ITGA11: variants seen among roughly 807,000 people sequenced by gnomAD.
ITGA11 encodes integrin subunit alpha 11.
A neutral mutation model predicts 141.9 loss-of-function variants in ITGA11; 97 were observed. The ratio of observed to expected loss-of-function variants is 0.68; its 90% confidence interval spans 0.58 to 0.81. The LOEUF (loss-of-function observed/expected upper bound fraction) is 0.81, where lower values mean the gene tolerates loss of function less well. Among genes scored for constraint, ITGA11 ranks in the 30% least tolerant of loss-of-function variants. The probability of loss-of-function intolerance (pLI) is 0.00; values close to 1 mark genes in which losing one functional copy is unlikely to be tolerated. For missense variants in ITGA11, 1,387 were observed against 1,559.2 expected (o/e 0.89, Z 1.86); for synonymous variants, 658 against 624.6 (o/e 1.05, Z -0.80).
rs151337422 is a variant in ITGA11, at chr15:68,420,758, C to A, written c.52+11257G>T. Among the ~76,000 whole-genome samples the A allele has an allele frequency of 7.2e-3, 1,089 of 152,232 alleles. 9 individuals are homozygous for A. Among genetic ancestry groups the A allele is most frequent in the South Asian group, 0.015 (70 of 4,824 alleles). On this transcript the variant is annotated intron_variant, in intron 1 of 29. Coordinates refer to ENST00000315757, the MANE Select transcript of ITGA11 (RefSeq NM_001004439.2). ...AAGCACTGTTCTGGGCCCTGGGATG[C>A]GTAAGTAAACTCAACAGACAAAAAT...
Position 68,307,716 on chromosome 15 carries a change from T to C in ITGA11, c.3175-20A>G, listed in dbSNP as rs781542802. On this transcript the variant is annotated intron_variant, in intron 26 of 29. Transcript: ENST00000315757. The surrounding 1 kb of genome is among the most constrained non-coding windows in gnomAD (Gnocchi z 6.1). ...GTGATTCTGAAAGAGAAGATGGGTC[T>C]CAGGGCTGAGCTGCTGGGCTAGGGG... 5 of 1,570,224 alleles carry C rather than the reference T, an allele frequency of 3.2e-6. No individual in the cohort carries two copies. Among genetic ancestry groups the C allele is most frequent in the Non-Finnish European group, 4.4e-6 (5 of 1,141,486 alleles).
intron 11 of ITGA11, among the ~76,000 whole-genome samples, chr15:68,339,024 G>T (rs1894467920): frequency 1.3e-5 from 2 of 152,234 alleles, no homozygotes; most frequent in Admixed American, 1.3e-4. Context: ...TCAATGATTT[G>T]TGCTTCTATC....
intron 3 of ITGA11, 118 bp from the exon 4 acceptor site, chr15:68,364,916 C>G: frequency 9.9e-7 from 1 of 1,014,450 alleles, no homozygotes; most frequent in Non-Finnish European, 1.5e-6. Context: ...CTGGGGACCT[C>G]TGGCTCTCAG....
intron 2 of ITGA11, among the ~76,000 whole-genome samples, chr15:68,385,737 C>T (rs1384299855): frequency 6.6e-6 from 1 of 152,214 alleles, no homozygotes; most frequent in Non-Finnish European, 1.5e-5. Context: ...GGAAGCAACT[C>T]TGGGCTGGGG....
At chr15:68,337,337 G>A (rs546636570) in intron 11 of ITGA11, among the ~76,000 whole-genome samples, 1 of 152,318 alleles carries the variant, frequency 6.6e-6, no homozygotes, top group Admixed American at 6.5e-5. Flanking sequence ...CTGAAGGCCT[G>A]ATGAAAGGGT....
intron 23 of ITGA11, 91 bp downstream of exon 23, chr15:68,313,688 T>C (rs1418067348): frequency 1.1e-6 from 1 of 949,198 alleles, no homozygotes; most frequent in Non-Finnish European, 1.6e-6. Context: ...TCTGGCCCTA[T>C]TAGGGCCCAT....
chr15:68,412,171 GATGGAC>G (rs1423390448), intron 1 of ITGA11, among the ~76,000 whole-genome samples: 15 of 152,298 alleles, frequency 9.8e-5, no homozygotes, highest in African/African-American at 3.6e-4. Context: ...GCTCTTAAGT[GATGGAC>G]CATCAGGGAG....
At chr15:68,390,188 G>A (rs889048278) in intron 2 of ITGA11, among the ~76,000 whole-genome samples, 2 of 152,204 alleles carry the variant, frequency 1.3e-5, no homozygotes, top group Non-Finnish European at 2.9e-5. Context: ...GGTCAGCTTT[G>A]CTGAGTTTGA....
rs75597035 is a variant in ITGA11, at chr15:68,380,289, C to T, written c.165-11005G>A. Among the ~76,000 whole-genome samples, 17 of 152,286 alleles carry T rather than the reference C, an allele frequency of 1.1e-4. No individual in the cohort carries two copies. In the East Asian group the frequency reaches 1.5e-3, roughly 14 times the overall value. ...CGTGGGCCTGTTGACATGTTCATGG[C>T]TATCTCTAACCTATCCCCAGATGGG... On this transcript the variant is annotated intron_variant, in intron 2 of 29. Coordinates refer to ENST00000315757, the MANE Select transcript of ITGA11 (RefSeq NM_001004439.2).
chr15:68,350,880 G>A lies in ITGA11; in HGVS notation c.895-98C>T, dbSNP rs576066402. On this transcript the variant is annotated intron_variant, in intron 8 of 29. Coordinates refer to ENST00000315757, the MANE Select transcript of ITGA11 (RefSeq NM_001004439.2). ...ACCCTGGGGACCCCAGGGTGGGCTG[G>A]AGCCAGGGCCGGTAGCCATGAGAGT... The A allele has an allele frequency of 2.9e-5, 37 of 1,257,162 alleles. 1 individual carries two copies. The South Asian group carries it at 5.4e-4, about 18-fold the overall frequency. The allele number at this position is 1,257,162 out of a possible 1,614,324, so 77.9% of individuals were successfully genotyped here.
chr15:68,415,082 C>G (rs1349959478), intron 1 of ITGA11, among the ~76,000 whole-genome samples: 1 of 152,208 alleles, frequency 6.6e-6, no homozygotes, highest in Non-Finnish European at 1.5e-5. Context: ...TCTTACTTCT[C>G]TGCCAAATGA....
chr15:68,367,356 C>T (rs1895455206), intron 3 of ITGA11, among the ~76,000 whole-genome samples: 1 of 152,228 alleles, frequency 6.6e-6, no homozygotes, highest in African/African-American at 2.4e-5. Context: ...CTCATTGCCT[C>T]TGTCCCAACC....
intron 7 of ITGA11, among the ~76,000 whole-genome samples, chr15:68,354,450 C>T (rs1895007755): frequency 6.6e-6 from 1 of 152,108 alleles, no homozygotes; most frequent in African/African-American, 2.4e-5. Flanking sequence ...CAGTGGCCAC[C>T]CATGCTGGTT....
intron 5 of ITGA11, among the ~76,000 whole-genome samples, chr15:68,359,504 G>C (rs983406477): frequency 6.6e-6 from 1 of 152,072 alleles, no homozygotes; most frequent in Admixed American, 6.6e-5. Flanking sequence ...AAATTAGCCA[G>C]GAGTCGTGAT....
chr15:68,409,729 G>T (rs2140422293), intron 1 of ITGA11, among the ~76,000 whole-genome samples: 1 of 152,212 alleles, frequency 6.6e-6, no homozygotes, highest in East Asian at 1.9e-4. Flanking sequence ...GCACTATTCT[G>T]AATGTATTTA....
intron 2 of ITGA11, among the ~76,000 whole-genome samples, chr15:68,386,741 G>A (rs1895993942): frequency 6.6e-6 from 1 of 152,122 alleles, no homozygotes; most frequent in Admixed American, 6.5e-5. Context: ...GGCTGCTCTT[G>A]TACCCTTCTC....
intron 1 of ITGA11, among the ~76,000 whole-genome samples, chr15:68,423,655 A>G (rs928923402): frequency 3.9e-5 from 6 of 152,178 alleles, no homozygotes; most frequent in Non-Finnish European, 7.3e-5. Flanking sequence ...AAAGTAAGAC[A>G]ACTCTGTTTG....
At chr15:68,339,788 T>A in intron 10 of ITGA11, 144 bp from the exon 11 acceptor site, 1 of 852,558 alleles carries the variant, frequency 1.2e-6, no homozygotes, top group Non-Finnish European at 1.8e-6. Flanking sequence ...ACCTAACTTC[T>A]GGCTGGGGCT....
At position 68,341,109 on chromosome 15, in the gene ITGA11, A is replaced by C. The variant is rs563001322; in HGVS notation, c.1132-1465T>G. Among the ~76,000 whole-genome samples the C allele has an allele frequency of 3.9e-5, 6 of 152,350 alleles. No homozygotes were observed. In the East Asian group the frequency reaches 7.7e-4, roughly 20 times the overall value. The stretch of plus-strand genomic sequence containing the variant: ...GGGTTAACAAATCCTAACCCTCCAG[A>C]GGTAGAACTGACTGTTCAGACAGAA... On this transcript the variant is annotated intron_variant, in intron 10 of 29. Transcript: ENST00000315757.
Sources: allele counts gnomAD v4.1 joint callset (sites outside exome capture counted in the v4.1 genomes callset), GRCh38; gene constraint gnomAD v4.1.1; non-coding constraint Gnocchi (gnomAD v3.1); transcripts MANE v1.5; gene names NCBI Gene and HGNC (gene_info 2026-07-23, HGNC 2026-07-21).